Variants in FAF1 observed in about 807,000 individuals in gnomAD.
FAF1 encodes the protein FAS-associated factor 1.
In FAF1, 25 loss-of-function variants were observed where a neutral mutation model predicts 92.5. The ratio of observed to expected loss-of-function variants is 0.27; its 90% CI spans 0.20 to 0.38. The LOEUF (loss-of-function observed/expected upper bound fraction) is 0.38. Among genes scored for constraint, FAF1 ranks in the 10% least tolerant of loss-of-function variants. The pLI is 1.00. For synonymous variants in FAF1, 234 were observed against 273.2 expected, an observed-to-expected ratio of 0.86 and a Z score of 1.42; for missense variants, 636 against 793.3, an observed-to-expected ratio of 0.80 and a Z score of 2.38.
intron 5 of FAF1, among the ~76,000 whole-genome samples, chr1:50,743,062 G>A (rs1230268798): frequency 6.6e-6 from 1 of 152,132 alleles, no homozygotes; most frequent in Non-Finnish European, 1.5e-5. Context: ...CCCACTAAGA[G>A]AGCAGTGATT....
rs558154676 is a variant in FAF1, at chr1:50,520,637, A to G, written c.1494+14732T>C. On this transcript the variant is annotated intron_variant, in intron 15 of 18. Transcript: ENST00000396153. ...TGAGGCAGGTGGATCACTTGAGTCCAGGAGTTCAAGACTAGCCTGGGCAAC... is the reference window on the plus strand; with the variant it reads ...TGAGGCAGGTGGATCACTTGAGTCCGGGAGTTCAAGACTAGCCTGGGCAAC... Among the ~76,000 whole-genome samples the G allele has an allele frequency of 2.6e-5, 4 of 152,264 alleles. No homozygotes were observed. The South Asian group carries it at 8.3e-4, about 32-fold the overall frequency.
intron 3 of FAF1, among the ~76,000 whole-genome samples, chr1:50,796,854 G>T (rs1299885227): frequency 6.6e-6 from 1 of 152,146 alleles, no homozygotes; most frequent in Non-Finnish European, 1.5e-5. Context: ...GGTAGACCAG[G>T]TGAGGTGGCT....
intron 17 of FAF1, among the ~76,000 whole-genome samples, chr1:50,476,885 G>T (rs1646645087): frequency 1.3e-5 from 2 of 152,036 alleles, no homozygotes; most frequent in Non-Finnish European, 2.9e-5. Context: ...TAACTAGTCA[G>T]CTTATAAGCT....
intron 2 of FAF1, among the ~76,000 whole-genome samples, chr1:50,823,809 G>T (rs1023417832): frequency 2.0e-5 from 3 of 152,048 alleles, no homozygotes; most frequent in African/African-American, 7.2e-5. Flanking sequence ...ATTATTTGGG[G>T]GGTACAGACT....
chr1:50,852,776 G>C (rs1006319619), intron 2 of FAF1, among the ~76,000 whole-genome samples: 1 of 152,004 alleles, frequency 6.6e-6, no homozygotes, highest in Non-Finnish European at 1.5e-5. Context: ...TTTACTTTTG[G>C]GGACTGCTGT....
intron 17 of FAF1, among the ~76,000 whole-genome samples, chr1:50,482,535 C>T (rs1226758825): frequency 3.3e-5 from 5 of 151,998 alleles, no homozygotes; most frequent in Non-Finnish European, 7.4e-5. Context: ...GTGTGACTGC[C>T]GGGTCATATG....
rs1646161474 is a variant in FAF1 at position 50,441,082 on chromosome 1, A to T, written c.*358T>A. On this transcript the variant is annotated 3_prime_UTR_variant, in exon 19 of 19. Transcript: ENST00000396153. Reference sequence around the variant, plus strand: ...ATACAGCATCCTGGTGTCACAGAACAGACAGAACTGTCCTAGACACTGTGG... The same window carrying T: ...ATACAGCATCCTGGTGTCACAGAACTGACAGAACTGTCCTAGACACTGTGG... 5.2e-6 allele frequency: 1 copy of T among 192,270 alleles called. No individual in the cohort carries two copies. The highest frequency in any genetic ancestry group is 1.1e-5 in the Non-Finnish European group (1 of 94,918). 11.9% of individuals were successfully genotyped at this position (192,270 alleles called of 1,614,324 possible). A position where few individuals can be genotyped will look rare whatever the true frequency, so the allele number is the denominator to read the frequency against.
At chr1:50,715,396 G>A (rs562821379) in intron 6 of FAF1, among the ~76,000 whole-genome samples, 1 of 152,186 alleles carries the variant, frequency 6.6e-6, no homozygotes, top group South Asian at 2.1e-4. Flanking sequence ...GAGCTCAGGA[G>A]TTTAAGACCA....
chr1:50,888,349 T>A (rs923570174), intron 1 of FAF1, among the ~76,000 whole-genome samples: 1 of 152,206 alleles, frequency 6.6e-6, no homozygotes, highest in African/African-American at 2.4e-5. Flanking sequence ...CCTCTTTTCT[T>A]AATTGAATCC....
chr1:50,793,056 T>A (rs1427894555), intron 3 of FAF1, among the ~76,000 whole-genome samples: 1 of 152,096 alleles, frequency 6.6e-6, no homozygotes, highest in African/African-American at 2.4e-5. Flanking sequence ...GGAACAAAAT[T>A]AAAGGTCAGT....
At chr1:50,657,451 C>A (rs1272538144) in intron 7 of FAF1, among the ~76,000 whole-genome samples, 1 of 152,004 alleles carries the variant, frequency 6.6e-6, no homozygotes, top group South Asian at 2.1e-4. Flanking sequence ...AATCCCAACC[C>A]TTTGGGAGGC....
intron 7 of FAF1, among the ~76,000 whole-genome samples, chr1:50,703,016 T>C (rs560241703): frequency 6.6e-6 from 1 of 151,522 alleles, no homozygotes; most frequent in Non-Finnish European, 1.5e-5. Flanking sequence ...AAAAAAAATA[T>C]ATATATAAAA....
chr1:50,762,275 T>C (rs760475139), intron 4 of FAF1, among the ~76,000 whole-genome samples: 30 of 152,220 alleles, frequency 2.0e-4, no homozygotes, highest in Non-Finnish European at 3.1e-4. Flanking sequence ...CAATATAATT[T>C]ATAGATTCAA....
At chr1:50,474,407 G>GT (rs1010046217) in intron 18 of FAF1, among the ~76,000 whole-genome samples, 44 of 148,884 alleles carry the variant, frequency 3.0e-4, no homozygotes, top group South Asian at 8.6e-4. Flanking sequence ...GGGGTAGTTT[G>GT]TTTTTTTTTT....
chr1:50,637,476 A>C (rs1416181666), intron 8 of FAF1, among the ~76,000 whole-genome samples: 4 of 151,336 alleles, frequency 2.6e-5, no homozygotes, highest in Admixed American at 6.6e-5. Context: ...AAAAAAAAAA[A>C]CCCAGAAAAT....
chr1:50,851,479 C>T (rs1051208936), intron 2 of FAF1, among the ~76,000 whole-genome samples: 10 of 152,142 alleles, frequency 6.6e-5, no homozygotes, highest in African/African-American at 2.2e-4. Context: ...TGAGCTGAAT[C>T]CCTATTTCAT....
At chr1:50,924,621 A>G (rs1263156944) in intron 1 of FAF1, among the ~76,000 whole-genome samples, 1 of 152,244 alleles carries the variant, frequency 6.6e-6, no homozygotes, top group Non-Finnish European at 1.5e-5. Flanking sequence ...TCAGAAAAAA[A>G]GAACAAAGCT....
chr1:50,634,669 T>G (rs961004042), intron 8 of FAF1, among the ~76,000 whole-genome samples: 1 of 152,208 alleles, frequency 6.6e-6, no homozygotes, highest in African/African-American at 2.4e-5. Context: ...AGCAGTAATA[T>G]GTATTAGAAT....
At chr1:50,657,117 T>G (rs1208601062) in intron 7 of FAF1, among the ~76,000 whole-genome samples, 1 of 150,924 alleles carries the variant, frequency 6.6e-6, no homozygotes, top group Non-Finnish European at 1.5e-5. Context: ...GAAGCTGAGG[T>G]GGGAGGATTG....
Sources: allele counts gnomAD v4.1 joint callset (sites outside exome capture counted in the v4.1 genomes callset), GRCh38; gene constraint gnomAD v4.1.1; transcripts MANE v1.5; gene names NCBI Gene and HGNC (gene_info 2026-07-23, HGNC 2026-07-21).